The following CDYL variants were observed in gnomAD, a reference collection of about 807,000 sequenced individuals.
The protein encoded by CDYL is chromodomain Y like.
Under a neutral mutation model 47.3 loss-of-function variants are expected in CDYL, and 8 were observed. The ratio of observed to expected loss-of-function variants is 0.17; its 90% CI spans 0.10 to 0.31. The LOEUF (loss-of-function observed/expected upper bound fraction) is 0.31. Ranked by LOEUF, CDYL falls within the 10% of genes least tolerant of loss-of-function variation. The pLI, the probability that CDYL is intolerant of heterozygous loss-of-function variation, is 1.00. For synonymous variants in CDYL, 266 were observed against 265.0 expected (o/e 1.00, Z -0.04); for missense variants, 471 against 701.4 (o/e 0.67, Z 3.71).
chr6:4,787,175 G>A (rs1002366426), intron 1 of CDYL, among the ~76,000 whole-genome samples: 110 of 152,192 alleles, frequency 7.2e-4, no homozygotes, highest in African/African-American at 2.5e-3. Context: ...ATGCAGATGA[G>A]CTTTTGAACT....
chr6:4,717,831 CCT>C (rs1009598577), intron 2 of CDYL, among the ~76,000 whole-genome samples: 2 of 139,962 alleles, frequency 1.4e-5, no homozygotes, highest in African/African-American at 2.6e-5. Context: ...CAGACATCAC[CCT>C]GTTAGATTTT....
chr6:4,786,779 A>C lies in CDYL; in HGVS notation c.24+9972A>C, dbSNP rs114249588. On this transcript the variant is annotated intron_variant, in intron 1 of 6. Coordinates refer to ENST00000397588, the MANE Select transcript of CDYL (RefSeq NM_004824.4). ...TCCTCTCTGTCTATGGGCTAGACCA[A>C]AGTACCCTTGGAGAACTCCATGTCT... Among the ~76,000 whole-genome samples the C allele has an allele frequency of 9.5e-3, 1,440 of 152,268 alleles. 32 individuals carry two copies. Among genetic ancestry groups the C allele is most frequent in the African/African-American group, 0.033 (1,359 of 41,536 alleles).
At chr6:4,755,035 TG>T (rs1758053632) in intron 3 of CDYL, among the ~76,000 whole-genome samples, 2 of 146,816 alleles carry the variant, frequency 1.4e-5, no homozygotes, top group African/African-American at 2.6e-5. Context: ...TTGTTGTTGT[TG>T]TTGTTGTTTT....
At chr6:4,874,833 C>T (rs1761575410) in intron 1 of CDYL, among the ~76,000 whole-genome samples, 1 of 152,154 alleles carries the variant, frequency 6.6e-6, no homozygotes, top group African/African-American at 2.4e-5. Flanking sequence ...TTGTTCGTGT[C>T]TGTTTTCATT....
rs183628909 is a variant in CDYL at position 4,784,570 on chromosome 6, A to G, written c.24+7763A>G. ...AATGGATTATAATAGTTATAACGCA[A>G]TTGCTTCTGAAGCAAAATGTTCAAT... On this transcript the variant is annotated intron_variant, in intron 1 of 6. Coordinates refer to ENST00000397588, the MANE Select transcript of CDYL (RefSeq NM_004824.4). Among the ~76,000 whole-genome samples, 92 of 152,356 alleles carry G rather than the reference A, an allele frequency of 6.0e-4. 2 individuals carry two copies. The South Asian group carries it at 0.01, about 17-fold the overall frequency.
chr6:4,804,623 T>C (rs148966600), intron 1 of CDYL, among the ~76,000 whole-genome samples: 2 of 152,256 alleles, frequency 1.3e-5, no homozygotes, highest in East Asian at 3.9e-4. Context: ...AATAACAGAA[T>C]GGCCCTCGCT....
At position 4,868,327 on chromosome 6, in the gene CDYL, T is replaced by G. The variant is rs143841717; in HGVS notation, c.25-23386T>G. ...CATTTTCATTCAATTCTAAATACTT[T>G]CTAATTTTCCCTATATTTTCTTTTT... On this transcript the variant is annotated intron_variant, in intron 1 of 6. Transcript: ENST00000397588. 4.1e-3 allele frequency among the ~76,000 whole-genome samples: 630 copies of G among 152,086 alleles called. 1 individual carries two copies. Among genetic ancestry groups the G allele is most frequent in the African/African-American group, 0.014 (592 of 41,518 alleles).
At chr6:4,868,126 A>G (rs1369828177) in intron 1 of CDYL, among the ~76,000 whole-genome samples, 3 of 151,266 alleles carry the variant, frequency 2.0e-5, no homozygotes, top group African/African-American at 7.3e-5. Context: ...TTGGATCTTT[A>G]TTGTTTCCTC....
intron 1 of CDYL, among the ~76,000 whole-genome samples, chr6:4,786,199 G>A (rs1455501192): frequency 1.3e-5 from 2 of 152,318 alleles, no homozygotes; most frequent in South Asian, 2.1e-4. Flanking sequence ...CTGACCTGTT[G>A]TTTGAAATCT....
intron 4 of CDYL, among the ~76,000 whole-genome samples, chr6:4,940,162 GCTCCGTCCACTCTCCCTA>G (rs1758323116): frequency 1.3e-5 from 2 of 152,156 alleles, no homozygotes; most frequent in South Asian, 4.1e-4. Flanking sequence ...TCAGCTCCCT[GCTCCGTCCACTCTCCCTA>G]CTCCACACAA....
At chr6:4,918,076 A>G (rs1757606800) in intron 2 of CDYL, among the ~76,000 whole-genome samples, 1 of 152,232 alleles carries the variant, frequency 6.6e-6, no homozygotes, top group Admixed American at 6.5e-5. Flanking sequence ...ATTAGATTGT[A>G]ATTGATCAGT....
intron 1 of CDYL, among the ~76,000 whole-genome samples, chr6:4,786,052 TAA>T (rs1758746934): frequency 6.6e-6 from 1 of 152,232 alleles, no homozygotes; most frequent in South Asian, 2.1e-4. Context: ...GCGAAAAAAT[TAA>T]GTCTACTTTT....
intron 2 of CDYL, among the ~76,000 whole-genome samples, chr6:4,906,122 T>G (rs1327033935): frequency 6.6e-6 from 1 of 152,252 alleles, no homozygotes; most frequent in African/African-American, 2.4e-5. Context: ...TTTTATCTGG[T>G]AAGAGAAAGT....
chr6:4,841,959 A>T (rs1297863365), intron 1 of CDYL, among the ~76,000 whole-genome samples: 7 of 146,260 alleles, frequency 4.8e-5, no homozygotes, highest in African/African-American at 1.7e-4. Flanking sequence ...TTGACTTTAT[A>T]TTAATATTAT....
intron 1 of CDYL, among the ~76,000 whole-genome samples, chr6:4,804,960 A>C (rs1759328221): frequency 6.6e-6 from 1 of 152,246 alleles, no homozygotes; most frequent in Non-Finnish European, 1.5e-5. Context: ...GTTTTAAATA[A>C]GAGAAGAAAG....
chr6:4,738,622 G>A (rs1757743875), intron 3 of CDYL, among the ~76,000 whole-genome samples: 1 of 152,178 alleles, frequency 6.6e-6, no homozygotes, highest in South Asian at 2.1e-4. Context: ...GAAAAAGTTG[G>A]CATTATCCAG....
At chr6:4,725,060 C>T (rs1757481436) in intron 2 of CDYL, among the ~76,000 whole-genome samples, 1 of 152,140 alleles carries the variant, frequency 6.6e-6, no homozygotes. Flanking sequence ...AAAAGTTCTC[C>T]ACATCCCCGC....
intron 1 of CDYL, among the ~76,000 whole-genome samples, chr6:4,877,120 C>T (rs140919811): frequency 1.7e-3 from 265 of 152,302 alleles, no homozygotes; most frequent in African/African-American, 6.2e-3. Flanking sequence ...CAGTAAATTT[C>T]TATTGTTTAT....
At chr6:4,836,522 C>T (rs2127456614) in intron 1 of CDYL, among the ~76,000 whole-genome samples, 1 of 152,302 alleles carries the variant, frequency 6.6e-6, no homozygotes, top group South Asian at 2.1e-4. Flanking sequence ...ATGGCTCTCA[C>T]CAGCCTCTCC....
Sources: allele counts gnomAD v4.1 joint callset (sites outside exome capture counted in the v4.1 genomes callset), GRCh38; gene constraint gnomAD v4.1.1; transcripts MANE v1.5; gene names NCBI Gene and HGNC (gene_info 2026-07-23, HGNC 2026-07-21).